AGPS: variants seen among roughly 807,000 people sequenced by gnomAD.
AGPS encodes alkylglycerone phosphate synthase.
Under a neutral mutation model 90.7 loss-of-function variants are expected in AGPS, and 26 were observed. That is an observed-to-expected ratio of 0.29 (90% confidence interval 0.21 to 0.40). AGPS has a LOEUF of 0.40. Among genes scored for constraint, AGPS ranks in the 10% least tolerant of loss-of-function variants. AGPS has a pLI of 1.00. For synonymous variants in AGPS, 294 were observed against 285.3 expected, an observed-to-expected ratio of 1.03 and a Z score of -0.31; for missense variants, 540 against 816.1, an observed-to-expected ratio of 0.66 and a Z score of 4.12.
intron 8 of AGPS, among the ~76,000 whole-genome samples, chr2:177,455,626 T>C (rs1452305621): frequency 2.0e-5 from 3 of 151,970 alleles, no homozygotes; most frequent in East Asian, 1.9e-4. Flanking sequence ...TTTAGTCTTA[T>C]TGGGTGGGAG....
At chr2:177,512,071 T>C (rs1405341982) in intron 16 of AGPS, among the ~76,000 whole-genome samples, 3 of 152,184 alleles carry the variant, frequency 2.0e-5, no homozygotes, top group African/African-American at 7.2e-5. Context: ...AAATTTCATT[T>C]TCTAGAGCCA....
At chr2:177,461,420 A>G (rs1286804499) in intron 8 of AGPS, among the ~76,000 whole-genome samples, 3 of 152,228 alleles carry the variant, frequency 2.0e-5, no homozygotes, top group Non-Finnish European at 1.5e-5. Flanking sequence ...AGTACAGGCA[A>G]TTTGCTCGGA....
rs1331949223 is a variant in AGPS at position 177,542,569 on chromosome 2, ACT to A, written c.*4377_*4378del. The A allele has an allele frequency of 1.3e-5, 2 of 152,028 alleles. No individual in the cohort carries two copies. The highest frequency in any genetic ancestry group is 2.9e-5 in the Non-Finnish European group (2 of 67,990). 9.4% of individuals were successfully genotyped at this position (152,028 alleles called of 1,614,324 possible). A position where few individuals can be genotyped will look rare whatever the true frequency, so the allele number is the denominator to read the frequency against. On this transcript the variant is annotated 3_prime_UTR_variant, in exon 20 of 20. Coordinates refer to ENST00000264167, the MANE Select transcript of AGPS (RefSeq NM_003659.4). Reference sequence around the variant, plus strand: ...CCACAAGGAAAAACATCTTGCAGAGACTCTGAATTCCAAATCTGAGTGAGAAA... The same window carrying A: ...CCACAAGGAAAAACATCTTGCAGAGACTGAATTCCAAATCTGAGTGAGAAA...
At position 177,446,293 on chromosome 2, in the gene AGPS, A is replaced by G. The variant is rs150069448; in HGVS notation, c.870+667A>G. On this transcript the variant is annotated intron_variant, in intron 8 of 19. Coordinates refer to ENST00000264167, the MANE Select transcript of AGPS (RefSeq NM_003659.4). ...CTCAGCCTCCCCAGTAGCTGGGACT[A>G]CAGGCACCCACTACCGCGCCTGGCT... is the stretch of plus-strand genomic sequence containing the variant. Among the ~76,000 whole-genome samples, 468 of 152,146 alleles carry G rather than the reference A, an allele frequency of 3.1e-3. 2 individuals are homozygous for G. The highest frequency in any genetic ancestry group is 0.011 in the African/African-American group (439 of 41,524).
At chr2:177,484,838 A>T (rs1357950129) in intron 11 of AGPS, among the ~76,000 whole-genome samples, 2 of 152,138 alleles carry the variant, frequency 1.3e-5, no homozygotes, top group African/African-American at 4.8e-5. Flanking sequence ...TCACAGCTCA[A>T]CGCAGCCTCT....
At chr2:177,494,251 TAACTA>T (rs1381641817) in intron 12 of AGPS, among the ~76,000 whole-genome samples, 2 of 152,232 alleles carry the variant, frequency 1.3e-5, no homozygotes, top group African/African-American at 2.4e-5. Context: ...CATAGAAACT[TAACTA>T]AAGTCAGGTT....
At chr2:177,510,185 G>A (rs1305163915) in intron 16 of AGPS, among the ~76,000 whole-genome samples, 1 of 152,134 alleles carries the variant, frequency 6.6e-6, no homozygotes, top group African/African-American at 2.4e-5. Flanking sequence ...TGGAGGCTTG[G>A]AGTCTGAGAT....
chr2:177,535,576 GT>G (rs1158969684), intron 19 of AGPS, among the ~76,000 whole-genome samples: 1 of 152,148 alleles, frequency 6.6e-6, no homozygotes, highest in African/African-American at 2.4e-5. Flanking sequence ...GGTGTTTGTT[GT>G]TTTATTGATC....
At chr2:177,452,269 A>AG (rs963696892) in intron 8 of AGPS, among the ~76,000 whole-genome samples, 3 of 152,138 alleles carry the variant, frequency 2.0e-5, no homozygotes, top group African/African-American at 7.2e-5. Context: ...CAGTTATTGA[A>AG]GGGGGGTATT....
At chr2:177,460,585 CT>C (rs1274461452) in intron 8 of AGPS, among the ~76,000 whole-genome samples, 1 of 152,046 alleles carries the variant, frequency 6.6e-6, no homozygotes, top group Non-Finnish European at 1.5e-5. Context: ...CCATGAATGT[CT>C]TTTTTTCTTT....
intron 11 of AGPS, among the ~76,000 whole-genome samples, chr2:177,492,115 C>G (rs1172547170): frequency 6.6e-6 from 1 of 151,998 alleles, no homozygotes; most frequent in Non-Finnish European, 1.5e-5. Flanking sequence ...TGTGTACTTA[C>G]GTGAATTGTT....
intron 19 of AGPS, among the ~76,000 whole-genome samples, chr2:177,529,931 TTTATTGCAACAC>T (rs2079122272): frequency 6.6e-6 from 1 of 152,246 alleles, no homozygotes; most frequent in South Asian, 2.1e-4. Context: ...GTCTCATATG[TTTATTGCAACAC>T]TTAACGTGTT....
intron 2 of AGPS, among the ~76,000 whole-genome samples, chr2:177,424,235 A>G (rs1265504925): frequency 6.6e-6 from 1 of 152,078 alleles, no homozygotes; most frequent in East Asian, 1.9e-4. Flanking sequence ...TTCCTGTGTT[A>G]GTTTGCTGAG....
chr2:177,457,960 A>C (rs1157097915), intron 8 of AGPS, among the ~76,000 whole-genome samples: 6 of 152,208 alleles, frequency 3.9e-5, no homozygotes, highest in Admixed American at 1.3e-4. Context: ...AACCGAACGA[A>C]TCCAGCAGCA....
intron 8 of AGPS, among the ~76,000 whole-genome samples, chr2:177,454,003 A>T (rs866968256): frequency 3.5e-5 from 2 of 56,424 alleles, no homozygotes; most frequent in Non-Finnish European, 1.1e-4. Flanking sequence ...GGCTACTTTT[A>T]AGATTTTCTT....
chr2:177,403,245 G>C (rs1032614634), intron 1 of AGPS, among the ~76,000 whole-genome samples: 3 of 152,134 alleles, frequency 2.0e-5, no homozygotes, highest in Admixed American at 2.0e-4. Context: ...GAAAGGAATG[G>C]TGACTACTAC....
At chr2:177,470,344 A>T (rs567107686) in intron 10 of AGPS, among the ~76,000 whole-genome samples, 1 of 152,342 alleles carries the variant, frequency 6.6e-6, no homozygotes, top group Non-Finnish European at 1.5e-5. Context: ...CTACCTCCGT[A>T]GGTAGTCACT....
chr2:177,410,593 A>T lies in AGPS; in HGVS notation c.261-9676A>T, dbSNP rs149262460. ...CCATGTGAAAAGAGTAAAGTTCCCCAGTCACAACTTAGTGGCTGGGAGAAG... is the reference window on the plus strand; with the variant it reads ...CCATGTGAAAAGAGTAAAGTTCCCCTGTCACAACTTAGTGGCTGGGAGAAG... On this transcript the variant is annotated intron_variant, in intron 1 of 19. Coordinates refer to ENST00000264167, the MANE Select transcript of AGPS (RefSeq NM_003659.4). Among the ~76,000 whole-genome samples the T allele has an allele frequency of 3.0e-3, 454 of 152,322 alleles. 4 individuals are homozygous for T. The highest frequency in any genetic ancestry group is 0.01 in the African/African-American group (429 of 41,572).
intron 1 of AGPS, among the ~76,000 whole-genome samples, chr2:177,402,590 G>A (rs1685359106): frequency 6.6e-6 from 1 of 152,066 alleles, no homozygotes. Context: ...TTGAGAACTG[G>A]GGAAGCATTG....
Sources: gnomAD v4.1 joint callset for allele counts (sites outside exome capture counted in the v4.1 genomes callset) on GRCh38, gnomAD v4.1.1 for gene constraint, MANE v1.5 for transcripts, NCBI Gene and HGNC (gene_info 2026-07-23, HGNC 2026-07-21) for gene names.